Variants in CCNY observed in about 807,000 individuals in gnomAD.
The protein encoded by CCNY is cyclin-Y.
Under a neutral mutation model 42.8 loss-of-function variants are expected in CCNY, and 19 were observed. The ratio of observed to expected loss-of-function variants is 0.44; its 90% CI spans 0.31 to 0.65. The LOEUF (loss-of-function observed/expected upper bound fraction) is 0.65. Among genes scored for constraint, CCNY ranks in the 30% least tolerant of loss-of-function variants. The probability of loss-of-function intolerance (pLI) is 0.07; values close to 1 mark genes in which losing one functional copy is unlikely to be tolerated. For synonymous variants in CCNY, 165 were observed against 162.7 expected, an observed-to-expected ratio of 1.01 and a Z score of -0.11; for missense variants, 370 against 437.3, an observed-to-expected ratio of 0.85 and a Z score of 1.37.
chr10:35,569,291 C>T lies in CCNY; in HGVS notation c.*121C>T, dbSNP rs1167943748. On this transcript the variant is annotated 3_prime_UTR_variant, in exon 10 of 10. Coordinates refer to ENST00000374704, the MANE Select transcript of CCNY (RefSeq NM_145012.6). ...CCTTTTCTTTTTTTACGCATAGCTC[C>T]GTCAAGCTGCCTGGATGAGCGCCCA... 9 of 669,770 alleles carry T rather than the reference C, an allele frequency of 1.3e-5. No homozygotes were observed. Among genetic ancestry groups the T allele is most frequent in the African/African-American group, 3.6e-5 (2 of 55,980 alleles). 41.5% of individuals were successfully genotyped at this position (669,770 alleles called of 1,614,324 possible).
chr10:35,447,435 A>G (rs1482767994), intron 1 of CCNY, among the ~76,000 whole-genome samples: 1 of 152,178 alleles, frequency 6.6e-6, no homozygotes, highest in Non-Finnish European at 1.5e-5. Flanking sequence ...TTAGGGGCAG[A>G]TGATGGGGAA....
chr10:35,536,757 T>G (rs1840894653), intron 7 of CCNY, among the ~76,000 whole-genome samples: 2 of 152,132 alleles, frequency 1.3e-5, no homozygotes, highest in African/African-American at 2.4e-5. Context: ...GGAAGAAATT[T>G]CCAAGCAGCA....
At chr10:35,278,635 T>C (rs1250023266) in intron 3 of CCNY, among the ~76,000 whole-genome samples, 1 of 152,114 alleles carries the variant, frequency 6.6e-6, no homozygotes, top group East Asian at 1.9e-4. Context: ...AAATGCAAGT[T>C]CAACTAAAGC....
At chr10:35,255,469 G>A (rs147222130) in intron 3 of CCNY, among the ~76,000 whole-genome samples, 12 of 147,488 alleles carry the variant, frequency 8.1e-5, no homozygotes, top group Admixed American at 4.1e-4. Context: ...GCTAATTTCC[G>A]CATTGTTTTA....
intron 3 of CCNY, among the ~76,000 whole-genome samples, chr10:35,302,149 G>A (rs1224227157): frequency 6.6e-6 from 1 of 150,884 alleles, no homozygotes; most frequent in Non-Finnish European, 1.5e-5. Context: ...TTTTAGTAGA[G>A]ATGGGGTTTT....
At chr10:35,335,342 G>C (rs543082855), upstream of CCNY, among the ~76,000 whole-genome samples, 1 of 152,050 alleles carries the variant, frequency 6.6e-6, no homozygotes, top group South Asian at 2.1e-4. Context: ...GCAAAGCAAA[G>C]CAAAGCAAGG....
At chr10:35,357,116 G>A (rs1014489299) in intron 1 of CCNY, among the ~76,000 whole-genome samples, 1 of 124,172 alleles carries the variant, frequency 8.1e-6, no homozygotes, top group Non-Finnish European at 1.7e-5. Flanking sequence ...GCATCACCCC[G>A]CATCACCTGT....
intron 1 of CCNY, among the ~76,000 whole-genome samples, chr10:35,408,269 G>C (rs909691627): frequency 6.6e-6 from 1 of 152,196 alleles, no homozygotes; most frequent in South Asian, 2.1e-4. Flanking sequence ...AAGGAGTCCC[G>C]CTGACCTGGG....
intron 3 of CCNY, among the ~76,000 whole-genome samples, chr10:35,283,363 C>T (rs1305696187): frequency 2.0e-5 from 3 of 150,590 alleles, no homozygotes; most frequent in East Asian, 1.9e-4. Context: ...AAGACAATAG[C>T]GGAAAAATAA....
chr10:35,553,209 T>C (rs761428879), intron 8 of CCNY, 24 bp downstream of exon 8: 1 of 1,611,126 alleles, frequency 6.2e-7, no homozygotes, highest in South Asian at 1.1e-5. Flanking sequence ...CAGAGGGTGT[T>C]GGTCATCAGA....
chr10:35,247,075 T>A (rs1326969447), exon 1 of CCNY: 1 of 153,480 alleles, frequency 6.5e-6, no homozygotes, highest in Non-Finnish European at 1.4e-5. Flanking sequence ...GCCACCAGGT[T>A]GAGAGCCGCC....
rs1554793732 is a variant in CCNY, at chr10:35,482,749, G to GGTTGT, written c.155-653_155-652insTGTGT. 3.1e-5 allele frequency among the ~76,000 whole-genome samples: 4 copies of GGTTGT among 128,942 alleles called. No individual in the cohort carries two copies. In the South Asian group the frequency reaches 1.1e-3, roughly 37 times the overall value. 84.6% of individuals were successfully genotyped at this position (128,942 alleles called of 152,430 possible). On this transcript the variant is annotated intron_variant, in intron 1 of 9. Coordinates refer to ENST00000374704, the MANE Select transcript of CCNY (RefSeq NM_145012.6). ...GATTTCTCAAGGGAAGCTGGAAATAGGTGTGTGTGTGTGTGTGTGTGTGTG... is the reference window on the plus strand; with the variant it reads ...GATTTCTCAAGGGAAGCTGGAAATAGGTTGTGTGTGTGTGTGTGTGTGTGTGTGTG...
chr10:35,380,924 G>A (rs1837169276), intron 1 of CCNY, among the ~76,000 whole-genome samples: 1 of 152,002 alleles, frequency 6.6e-6, no homozygotes, highest in African/African-American at 2.4e-5. Flanking sequence ...TTATTCTTTT[G>A]ATTCTTTTGC....
intron 3 of CCNY, among the ~76,000 whole-genome samples, chr10:35,279,982 T>C (rs765040984): frequency 6.6e-6 from 1 of 152,222 alleles, no homozygotes; most frequent in East Asian, 1.9e-4. Context: ...CATTCTGCCA[T>C]GAATCCATTT....
rs370343290 is a variant in CCNY at position 35,541,062 on chromosome 10, C to T, written c.579+10819C>T. ...TCCTTCCTTCTACTTACTTTGGTTT[C>T]AGTTTGCTCTTCTAGTTGCTTAATG... On this transcript the variant is annotated intron_variant, in intron 7 of 9. Coordinates refer to ENST00000374704, the MANE Select transcript of CCNY (RefSeq NM_145012.6). Among the ~76,000 whole-genome samples, 16 of 151,984 alleles carry T rather than the reference C, an allele frequency of 1.1e-4. No individual in the cohort carries two copies. The East Asian group carries it at 1.7e-3, about 17-fold the overall frequency.
At chr10:35,548,292 G>GTATATATATATA (rs113069550) in intron 7 of CCNY, among the ~76,000 whole-genome samples, 5 of 143,828 alleles carry the variant, frequency 3.5e-5, no homozygotes, top group African/African-American at 1.3e-4. Context: ...ATATATTTAT[G>GTATATATATATA]TATATATATA....
chr10:35,407,236 A>G (rs1024846160), intron 1 of CCNY, among the ~76,000 whole-genome samples: 8 of 152,074 alleles, frequency 5.3e-5, no homozygotes, highest in African/African-American at 1.9e-4. Flanking sequence ...GGTGTGGGGA[A>G]GGGAGGTGAT....
intron 1 of CCNY, among the ~76,000 whole-genome samples, chr10:35,396,404 C>T (rs939808523): frequency 6.6e-6 from 1 of 152,172 alleles, no homozygotes; most frequent in African/African-American, 2.4e-5. Flanking sequence ...GCAGGTGCCG[C>T]AAGAAGGTGG....
intron 1 of CCNY, among the ~76,000 whole-genome samples, chr10:35,457,743 G>T (rs1209030193): frequency 6.6e-6 from 1 of 152,048 alleles, no homozygotes; most frequent in Non-Finnish European, 1.5e-5. Flanking sequence ...ACCACACCCG[G>T]CTAATTTTTT....
Sources: allele counts gnomAD v4.1 joint callset (sites outside exome capture counted in the v4.1 genomes callset), GRCh38; gene constraint gnomAD v4.1.1; transcripts MANE v1.5; gene names NCBI Gene and HGNC (gene_info 2026-07-23, HGNC 2026-07-21).